Variants in WDR19 observed in about 807,000 individuals in gnomAD.
WDR19 encodes WD repeat-containing protein 19.
A neutral mutation model predicts 180.0 loss-of-function variants in WDR19; 121 were observed. That is an observed-to-expected ratio of 0.67 (90% CI 0.58 to 0.78). The LOEUF is 0.78. Ranked by LOEUF, WDR19 falls within the 30% of genes least tolerant of loss-of-function variation. WDR19 has a pLI of 0.00. For missense variants in WDR19, 1,450 were observed against 1,640.7 expected, an observed-to-expected ratio of 0.88 and a Z score of 2.01; for synonymous variants, 497 against 540.7, an observed-to-expected ratio of 0.92 and a Z score of 1.12.
rs756407224 is a variant in WDR19, at chr4:39,189,673, A to G, written c.182A>G (p.Asp61Gly). 1 of 1,602,334 alleles carries G rather than the reference A, an allele frequency of 6.2e-7. No homozygotes were observed. The highest frequency in any genetic ancestry group is 1.1e-5 in the South Asian group (1 of 87,670). The change falls in exon 4 of 37, where the codon GAT becomes GGT. Residue 61 changes from aspartate to glycine, a missense_variant. Physicochemically the swap from Asp to Gly is moderately conservative, Grantham distance 94. Coordinates refer to ENST00000399820, the MANE Select transcript of WDR19 (RefSeq NM_025132.4). ...TTTAAAAGTAACTGTGTTGCCATGG[A>G]TTGGGATAAAGATGGAGATGTCCTA... ...INLPGNCVAM[D>G]WDKDGDVLAV... is the part of the protein sequence containing the mutation.
Position 39,278,222 on chromosome 4 carries a change from C to A in WDR19, c.3917+15C>A. 6.3e-7 allele frequency: 1 copy of A among 1,587,488 alleles called. No homozygotes were observed. The highest frequency in any genetic ancestry group is 8.6e-7 in the Non-Finnish European group (1 of 1,166,604). ...GAATTGAAGATGTAAGTGTGCATCACGTCACTCAGTCTCACTGATTTCTCC... is the reference window on the plus strand; with the variant it reads ...GAATTGAAGATGTAAGTGTGCATCAAGTCACTCAGTCTCACTGATTTCTCC... On this transcript the variant is annotated intron_variant, in intron 35 of 36. Coordinates refer to ENST00000399820, the MANE Select transcript of WDR19 (RefSeq NM_025132.4).
chr4:39,248,250 C>T (rs949303756), intron 24 of WDR19, among the ~76,000 whole-genome samples: 2 of 152,108 alleles, frequency 1.3e-5, no homozygotes, highest in African/African-American at 4.8e-5. Flanking sequence ...TCCAGCCAAA[C>T]TAAGCTTCAT....
intron 17 of WDR19, among the ~76,000 whole-genome samples, 163 bp from the exon 18 acceptor site, chr4:39,231,634 G>A (rs187814249): frequency 6.6e-6 from 1 of 152,152 alleles, no homozygotes; most frequent in African/African-American, 2.4e-5. Flanking sequence ...AAAAAAGGAA[G>A]AAAGCTTAAG....
At chr4:39,194,868 A>C (rs921414508) in intron 5 of WDR19, 8 of 497,972 alleles carry the variant, frequency 1.6e-5, no homozygotes, top group Non-Finnish European at 2.5e-5. Context: ...GAATAGATTG[A>C]GTTAAAGTCA....
rs567511976 is a variant in WDR19 at position 39,255,197 on chromosome 4, A to G, written c.3002-651A>G. On this transcript the variant is annotated intron_variant, in intron 26 of 36. Transcript: ENST00000399820. ...AAAGCAGTTTTTCTAAGTTTGTAAG[A>G]ATATGGTTTGTCTTATATAAGATGT... Among the ~76,000 whole-genome samples the G allele has an allele frequency of 5.3e-5, 8 of 152,314 alleles. No individual in the cohort carries two copies. The South Asian group carries it at 1.7e-3, about 32-fold the overall frequency.
At chr4:39,252,572 G>A (rs1199080332) in intron 24 of WDR19, among the ~76,000 whole-genome samples, 2 of 151,748 alleles carry the variant, frequency 1.3e-5, no homozygotes, top group African/African-American at 4.8e-5. Flanking sequence ...TATAGCCTCT[G>A]GAAATTAACT....
intron 20 of WDR19, chr4:39,237,568 A>G (rs1426444766): frequency 6.6e-6 from 1 of 152,180 alleles, no homozygotes; most frequent in Non-Finnish European, 1.5e-5. Flanking sequence ...CCTGTCTCAA[A>G]AAAAGAAGTA....
At chr4:39,278,792 A>G in intron 36 of WDR19, 129 bp downstream of exon 36, 1 of 464,646 alleles carries the variant, frequency 2.2e-6, no homozygotes. Context: ...ACAATCTGAC[A>G]ACCACCTTTT....
At chr4:39,206,792 C>T (rs1467671545) in intron 9 of WDR19, among the ~76,000 whole-genome samples, 1 of 152,164 alleles carries the variant, frequency 6.6e-6, no homozygotes, top group Admixed American at 6.5e-5. Flanking sequence ...ATCTGAATAC[C>T]ACTGCAAAGG....
At chr4:39,276,236 G>A (rs1459233770) in intron 33 of WDR19, among the ~76,000 whole-genome samples, 1 of 152,286 alleles carries the variant, frequency 6.6e-6, no homozygotes, top group Admixed American at 6.5e-5. Context: ...GCTCTAAGCT[G>A]GATGGGAGTA....
intron 10 of WDR19, 35 bp downstream of exon 10, chr4:39,214,706 C>G: frequency 7.6e-7 from 1 of 1,313,380 alleles, no homozygotes; most frequent in Non-Finnish European, 1.1e-6. Flanking sequence ...GACATTTTAT[C>G]ATTCCAGTTA....
At chr4:39,250,206 G>A (rs13435366) in intron 24 of WDR19, among the ~76,000 whole-genome samples, 11,917 of 151,864 alleles carry the variant, frequency 0.078, 1,548 homozygotes, top group African/African-American at 0.27. Flanking sequence ...TTCAACATAC[G>A]AAAATCAATA....
chr4:39,243,035 T>C (rs1405951346), intron 21 of WDR19, among the ~76,000 whole-genome samples: 1 of 152,192 alleles, frequency 6.6e-6, no homozygotes, highest in African/African-American at 2.4e-5. Flanking sequence ...CACTCCAGCC[T>C]AGGCAATAGA....
intron 23 of WDR19, 144 bp from the exon 24 acceptor site, chr4:39,245,225 G>A: frequency 1.8e-6 from 1 of 568,004 alleles, no homozygotes; most frequent in Admixed American, 3.4e-5. Context: ...GGGATTACAG[G>A]CCACTGCACC....
At chr4:39,267,538 T>G (rs902854496) in intron 29 of WDR19, among the ~76,000 whole-genome samples, 3 of 152,218 alleles carry the variant, frequency 2.0e-5, no homozygotes, top group Non-Finnish European at 4.4e-5. Flanking sequence ...GAAAATGTTA[T>G]AGGTCAGAGA....
intron 33 of WDR19, chr4:39,275,339 CAAA>C (rs1225402757): frequency 6.7e-3 from 713 of 106,338 alleles, no homozygotes; most frequent in Middle Eastern, 0.024. Context: ...GACCCCATCT[CAAA>C]AAAAAAAAAA....
chr4:39,202,218 A>G (rs982901004), intron 6 of WDR19, among the ~76,000 whole-genome samples: 8 of 152,092 alleles, frequency 5.3e-5, no homozygotes, highest in Admixed American at 2.0e-4. Flanking sequence ...TCACTCTGCA[A>G]CCTTTTGGAT....
At chr4:39,195,176 G>A (rs540424330) in intron 5 of WDR19, among the ~76,000 whole-genome samples, 12 of 151,956 alleles carry the variant, frequency 7.9e-5, no homozygotes, top group Admixed American at 3.9e-4. Context: ...GACCAGCCTG[G>A]CCAAGATAGT....
intron 9 of WDR19, among the ~76,000 whole-genome samples, chr4:39,212,252 T>C (rs1201147999): frequency 6.6e-6 from 1 of 152,118 alleles, no homozygotes; most frequent in East Asian, 1.9e-4. Flanking sequence ...TTTCAACAAA[T>C]GGTACTGGGG....
Sources: gnomAD v4.1 joint callset for allele counts (sites outside exome capture counted in the v4.1 genomes callset) on GRCh38, gnomAD v4.1.1 for gene constraint, MANE v1.5 for transcripts, NCBI Gene and HGNC (gene_info 2026-07-23, HGNC 2026-07-21) for gene names.